HECW1: variants seen among roughly 807,000 people sequenced by gnomAD.
The protein encoded by HECW1 is E3 ubiquitin-protein ligase HECW1.
HECW1 carries 61 observed loss-of-function variants against 182.3 expected under a neutral mutation model. That is an observed-to-expected ratio of 0.33 (90% confidence interval 0.27 to 0.41). The LOEUF (loss-of-function observed/expected upper bound fraction) is 0.41, where lower values mean the gene tolerates loss of function less well. Ranked by LOEUF, HECW1 falls within the 10% of genes least tolerant of loss-of-function variation. HECW1 has a pLI of 1.00. For synonymous variants in HECW1, 859 were observed against 832.6 expected (o/e 1.03, Z -0.55); for missense variants, 1,739 against 2,108.9 (o/e 0.82, Z 3.44).
At chr7:43,246,505 T>C (rs1034981649) in intron 3 of HECW1, among the ~76,000 whole-genome samples, 2 of 152,134 alleles carry the variant, frequency 1.3e-5, no homozygotes, top group Admixed American at 6.5e-5. Flanking sequence ...GCCTGTGTAG[T>C]TGCACACTGA....
Position 43,456,409 on chromosome 7 carries a change from A to G in HECW1, c.2613A>G (p.Arg871=). The change falls in exon 13 of 30, where the codon AGA becomes AGG. Residue 871 remains arginine (R), a synonymous_variant. Coordinates refer to ENST00000395891, the MANE Select transcript of HECW1 (RefSeq NM_015052.5). ...TAAATPDGMR[R]SGSIQQMEQL... The stretch of plus-strand genomic sequence containing the variant: ...CAGCCACCCCGGATGGCATGCGGAG[A>G]TCGGGGTCCATCCAGCAGATGGAGC... 1 of 1,614,048 alleles carries G rather than the reference A, an allele frequency of 6.2e-7. No individual in the cohort carries two copies. The highest frequency in any genetic ancestry group is 2.2e-5 in the East Asian group (1 of 44,882).
intron 7 of HECW1, among the ~76,000 whole-genome samples, chr7:43,399,042 C>T (rs915056109): frequency 6.6e-6 from 1 of 152,230 alleles, no homozygotes; most frequent in Admixed American, 6.5e-5. Flanking sequence ...CTGACATTAT[C>T]TCCAGGAGCA....
intron 2 of HECW1, among the ~76,000 whole-genome samples, chr7:43,146,406 T>C (rs114464515): frequency 0.011 from 1,608 of 152,276 alleles, 19 homozygotes; most frequent in African/African-American, 0.037. Flanking sequence ...TTGCCTCTGG[T>C]TGGGAACCAC....
chr7:43,398,845 G>A (rs1199235906), intron 7 of HECW1, among the ~76,000 whole-genome samples: 1 of 152,146 alleles, frequency 6.6e-6, no homozygotes, highest in African/African-American at 2.4e-5. Flanking sequence ...AGTTAGTCAG[G>A]AGTGCTGATT....
intron 15 of HECW1, among the ~76,000 whole-genome samples, chr7:43,467,500 G>A (rs2077828666): frequency 6.6e-6 from 1 of 152,096 alleles, no homozygotes; most frequent in Non-Finnish European, 1.5e-5. Flanking sequence ...AAAGGAGCCT[G>A]GGTCTACTGC....
At chr7:43,414,942 C>T (rs1440999838) in intron 8 of HECW1, among the ~76,000 whole-genome samples, 1 of 152,066 alleles carries the variant, frequency 6.6e-6, no homozygotes, top group South Asian at 2.1e-4. Context: ...CTCTGCCCGG[C>T]TTTGGTATCA....
intron 24 of HECW1, among the ~76,000 whole-genome samples, chr7:43,530,620 A>T (rs1224678549): frequency 6.6e-6 from 1 of 152,166 alleles, no homozygotes. Flanking sequence ...CTAACATATG[A>T]ATTCTAAATT....
At chr7:43,258,518 A>G (rs974180403) in intron 3 of HECW1, 4 of 152,198 alleles carry the variant, frequency 2.6e-5, no homozygotes, top group African/African-American at 9.6e-5. Context: ...GGAACTAATT[A>G]TATATTTCAT....
intron 2 of HECW1, among the ~76,000 whole-genome samples, chr7:43,204,452 G>GA (rs970399401): frequency 7.2e-5 from 11 of 151,810 alleles, no homozygotes; most frequent in African/African-American, 2.2e-4. Context: ...CAAATCAAGT[G>GA]AAAAAAAATC....
At chr7:43,217,992 G>C (rs937213379) in intron 2 of HECW1, among the ~76,000 whole-genome samples, 1 of 152,122 alleles carries the variant, frequency 6.6e-6, no homozygotes, top group Non-Finnish European at 1.5e-5. Context: ...AGGCCTGTGG[G>C]GTCCACTAGA....
intron 3 of HECW1, among the ~76,000 whole-genome samples, chr7:43,303,808 C>G (rs980747141): frequency 6.6e-6 from 1 of 152,034 alleles, no homozygotes; most frequent in Non-Finnish European, 1.5e-5. Context: ...CTCCCACTCT[C>G]CTCCCTTACA....
At chr7:43,467,673 G>A (rs1366090514) in intron 15 of HECW1, among the ~76,000 whole-genome samples, 1 of 152,142 alleles carries the variant, frequency 6.6e-6, no homozygotes, top group Non-Finnish European at 1.5e-5. Context: ...ACCTAAGGAA[G>A]GGGTGGGAGC....
rs566630098 is a variant in HECW1 at position 43,212,324 on chromosome 7, G to A, written c.-31-31551G>A. ...ATACACTCTTTATTTACAGTCATTTGCCATCTTATAAAACATTCAATAATT... is the reference window on the plus strand; with the variant it reads ...ATACACTCTTTATTTACAGTCATTTACCATCTTATAAAACATTCAATAATT... On this transcript the variant is annotated intron_variant, in intron 2 of 29. Transcript: ENST00000395891. 2.0e-5 allele frequency among the ~76,000 whole-genome samples: 3 copies of A among 152,244 alleles called. No homozygotes were observed. In the East Asian group the frequency reaches 5.8e-4, roughly 29 times the overall value.
At chr7:43,123,097 G>A (rs1464314023) in intron 2 of HECW1, among the ~76,000 whole-genome samples, 2 of 152,166 alleles carry the variant, frequency 1.3e-5, no homozygotes, top group African/African-American at 4.8e-5. Flanking sequence ...TGAAAAAGTT[G>A]TAGCCTTTAA....
intron 5 of HECW1, among the ~76,000 whole-genome samples, chr7:43,340,322 G>A (rs1180235673): frequency 6.8e-6 from 1 of 147,038 alleles, no homozygotes; most frequent in African/African-American, 2.6e-5. Context: ...CCGGGTTCAA[G>A]CAATTCTCCT....
intron 8 of HECW1, among the ~76,000 whole-genome samples, chr7:43,416,803 C>A (rs1294583454): frequency 1.3e-5 from 2 of 148,244 alleles, no homozygotes; most frequent in South Asian, 4.4e-4. Context: ...CAGGTGCGTC[C>A]GTCACCCCTT....
At chr7:43,365,334 A>C (rs1366038359) in intron 6 of HECW1, among the ~76,000 whole-genome samples, 1 of 152,162 alleles carries the variant, frequency 6.6e-6, no homozygotes, top group East Asian at 1.9e-4. Context: ...CTCCCCACCC[A>C]CTCTGAGGCC....
At chr7:43,216,499 CA>C (rs1796453635) in intron 2 of HECW1, among the ~76,000 whole-genome samples, 1 of 152,046 alleles carries the variant, frequency 6.6e-6, no homozygotes, top group Non-Finnish European at 1.5e-5. Flanking sequence ...GCAGTCCATC[CA>C]CCTTAGCCAT....
At chr7:43,561,135 G>A (rs928753662) in intron 29 of HECW1, among the ~76,000 whole-genome samples, 17 of 152,352 alleles carry the variant, frequency 1.1e-4, no homozygotes, top group African/African-American at 3.4e-4. Flanking sequence ...AGCCTCTGGC[G>A]AGGAAGACAT....
Sources: allele counts gnomAD v4.1 joint callset (sites outside exome capture counted in the v4.1 genomes callset), GRCh38; gene constraint gnomAD v4.1.1; transcripts MANE v1.5; gene names NCBI Gene and HGNC (gene_info 2026-07-23, HGNC 2026-07-21).